GCFC2: variants seen among roughly 807,000 people sequenced by gnomAD.
GCFC2 encodes intron Large complex component GCFC2.
Under a neutral mutation model 99.4 loss-of-function variants are expected in GCFC2, and 102 were observed. The ratio of observed to expected loss-of-function variants is 1.03; its 90% confidence interval spans 0.87 to 1.21. The LOEUF (loss-of-function observed/expected upper bound fraction) is 1.21. GCFC2 is among the 50% of genes most tolerant of loss of function. GCFC2 has a pLI of 0.00. For synonymous variants in GCFC2, 338 were observed against 316.8 expected (o/e 1.07, Z -0.71); for missense variants, 973 against 920.9 (o/e 1.06, Z -0.73).
upstream of GCFC2, among the ~76,000 whole-genome samples, chr2:75,712,415 T>C (rs2104450300): frequency 6.6e-6 from 1 of 152,258 alleles, no homozygotes; most frequent in African/African-American, 2.4e-5. Flanking sequence ...ACTAATCTGA[T>C]GGGGATGTGG....
intron 11 of GCFC2, among the ~76,000 whole-genome samples, chr2:75,685,202 TATAATA>T (rs1413242301): frequency 6.6e-6 from 1 of 152,134 alleles, no homozygotes; most frequent in East Asian, 1.9e-4. Flanking sequence ...GAACTTAAAG[TATAATA>T]ATAAACAAAC....
chr2:75,705,004 G>T (rs1474280685), intron 2 of GCFC2, among the ~76,000 whole-genome samples: 1 of 152,174 alleles, frequency 6.6e-6, no homozygotes, highest in Admixed American at 6.5e-5. Flanking sequence ...GTTTGGTACA[G>T]TAGCCACTAG....
intron 14 of GCFC2, among the ~76,000 whole-genome samples, chr2:75,671,235 G>C (rs982474007): frequency 6.6e-6 from 1 of 151,994 alleles, no homozygotes; most frequent in Non-Finnish European, 1.5e-5. Context: ...AGTATTTCCC[G>C]AGGTTCTGTC....
rs767078488 is a variant in GCFC2 at position 75,692,008 on chromosome 2, T to C, written c.1113A>G (p.Lys371=). The C allele has an allele frequency of 1.7e-5, 27 of 1,559,552 alleles. 1 individual carries two copies. In the South Asian group the frequency reaches 3.0e-4, roughly 18 times the overall value. Residue 371 remains lysine (K), a synonymous_variant, in exon 7 of 17, where the codon AAA becomes AAG. Transcript: ENST00000321027. ...ACTGTTGTAAATACGTTGATTCATG[T>C]TTTAATTCATCTTGCCTGCGTTTCA... ...TFMKRRQDEL[K]HESTYLQQLS... is the part of the protein sequence containing the mutation.
intron 2 of GCFC2, among the ~76,000 whole-genome samples, chr2:75,705,806 G>C (rs1206667558): frequency 1.3e-5 from 2 of 152,100 alleles, no homozygotes; most frequent in African/African-American, 4.8e-5. Context: ...CACAAAACAA[G>C]TTATAAACCT....
intron 2 of GCFC2, among the ~76,000 whole-genome samples, chr2:75,705,482 G>T (rs1680812231): frequency 6.6e-6 from 1 of 151,518 alleles, no homozygotes; most frequent in Admixed American, 6.6e-5. Context: ...AATTAGCCAG[G>T]CGTGGTGGCC....
intron 9 of GCFC2, among the ~76,000 whole-genome samples, chr2:75,689,539 G>A (rs546250204): frequency 1.3e-5 from 2 of 152,064 alleles, no homozygotes; most frequent in East Asian, 3.9e-4. Flanking sequence ...CAAAAAATTT[G>A]TCTAAGATTA....
chr2:75,709,803 T>C (rs1681050676), intron 1 of GCFC2, among the ~76,000 whole-genome samples: 1 of 152,236 alleles, frequency 6.6e-6, no homozygotes, highest in African/African-American at 2.4e-5. Context: ...ACTATAAGTA[T>C]ATACATTTTT....
Position 75,696,203 on chromosome 2 carries a change from G to A in GCFC2, c.830C>T (p.Thr277Ile). 1 of 1,038,212 alleles carries A rather than the reference G, an allele frequency of 9.6e-7. No individual in the cohort carries two copies. Among genetic ancestry groups the A allele is most frequent in the East Asian group, 2.4e-5 (1 of 42,138 alleles). The allele number at this position is 1,038,212 out of a possible 1,614,324, so 64.3% of individuals were successfully genotyped here. A position where few individuals can be genotyped will look rare whatever the true frequency, so the allele number is the denominator to read the frequency against. Reference sequence around the variant, plus strand: ...TTTCAAAATGAGTATTGCTCACCTAGTATTTAATTGCTTCTTTATAATTTC... The same window carrying A: ...TTTCAAAATGAGTATTGCTCACCTAATATTTAATTGCTTCTTTATAATTTC... Reference protein sequence around the residue: ...NLEIIKKQLNTRLTLLQETHR... With the variant: ...NLEIIKKQLNIRLTLLQETHR... The change falls in exon 5 of 17, where the codon ACT becomes ATT. Residue 277 changes from threonine (T) to isoleucine (I), a missense_variant. Transcript: ENST00000321027.
At chr2:75,686,214 A>G (rs1212535592) in intron 11 of GCFC2, among the ~76,000 whole-genome samples, 3 of 152,310 alleles carry the variant, frequency 2.0e-5, no homozygotes, top group East Asian at 1.9e-4. Context: ...CAAATGCACC[A>G]TAAGTTTCAT....
Position 75,664,354 on chromosome 2 carries a change from T to C in GCFC2, c.*312A>G. 5.7e-6 allele frequency: 1 copy of C among 174,368 alleles called. No homozygotes were observed. The highest frequency in any genetic ancestry group is 1.7e-4 in the South Asian group (1 of 5,754). The allele number at this position is 174,368 out of a possible 1,614,324, so 10.8% of individuals were successfully genotyped here. On this transcript the variant is annotated 3_prime_UTR_variant, in exon 17 of 17. Transcript: ENST00000321027. ...GACTTAGTAGCATGCTCACTTAAGC[T>C]AAAACCTTTAGCAAGGTTTCTCCAG...
At position 75,674,199 on chromosome 2, in the gene GCFC2, G is replaced by T. The variant is rs538248205; in HGVS notation, c.1813-679C>A. Among the ~76,000 whole-genome samples, 135 of 152,134 alleles carry T rather than the reference G, an allele frequency of 8.9e-4. 1 individual carries two copies. Among genetic ancestry groups the T allele is most frequent in the Middle Eastern group, 3.4e-3 (1 of 294 alleles). ...TGCTTGCCAACATTGCTATTTTTTT[G>T]TATTAGGTTCTGTCTTTTTATTACT... On this transcript the variant is annotated intron_variant, in intron 12 of 16. Transcript: ENST00000321027.
upstream of GCFC2, chr2:75,710,948 T>G (rs767752269): frequency 7.3e-7 from 1 of 1,368,826 alleles, no homozygotes; most frequent in East Asian, 3.1e-5. Flanking sequence ...CCGCCGCGCC[T>G]GGCCGCCGAG....
intron 11 of GCFC2, among the ~76,000 whole-genome samples, chr2:75,682,812 T>C (rs911293684): frequency 6.6e-5 from 10 of 151,888 alleles, no homozygotes; most frequent in African/African-American, 2.2e-4. Flanking sequence ...CAGGTATCAA[T>C]AGCTGAATCG....
chr2:75,703,148 G>C (rs1239379659), intron 2 of GCFC2, among the ~76,000 whole-genome samples: 1 of 151,700 alleles, frequency 6.6e-6, no homozygotes, highest in Non-Finnish European at 1.5e-5. Flanking sequence ...AATTTAAAAC[G>C]AGTTTCTTCA....
chr2:75,671,832 G>A, intron 14 of GCFC2, 118 bp downstream of exon 14: 1 of 453,140 alleles, frequency 2.2e-6, no homozygotes, highest in Middle Eastern at 5.4e-4. Flanking sequence ...CAGAGACCAT[G>A]TGACCACAAA....
intron 3 of GCFC2, chr2:75,701,633 T>C (rs763048235): frequency 1.0e-4 from 16 of 155,150 alleles, no homozygotes; most frequent in Non-Finnish European, 2.1e-4. Flanking sequence ...GTTTTTCTTA[T>C]CAAAGATCTC....
At chr2:75,711,341 A>G (rs1210092535), upstream of GCFC2, 7 of 273,504 alleles carry the variant, frequency 2.6e-5, no homozygotes, top group Non-Finnish European at 3.3e-5. Context: ...TTTGAGAACA[A>G]AACCATAAAG....
At chr2:75,693,512 A>T (rs1345731035) in intron 6 of GCFC2, among the ~76,000 whole-genome samples, 1 of 152,162 alleles carries the variant, frequency 6.6e-6, no homozygotes, top group East Asian at 1.9e-4. Context: ...TGAAATGGTT[A>T]ATCTATTTTT....
Sources: gnomAD v4.1 joint callset for allele counts (sites outside exome capture counted in the v4.1 genomes callset) on GRCh38, gnomAD v4.1.1 for gene constraint, MANE v1.5 for transcripts, NCBI Gene and HGNC (gene_info 2026-07-23, HGNC 2026-07-21) for gene names.